Variants in CPSF2 observed in about 807,000 individuals in gnomAD.
CPSF2 encodes cleavage and polyadenylation specific factor 2.
CPSF2 carries 51 observed loss-of-function variants against 84.2 expected under a neutral mutation model. That is an observed-to-expected ratio of 0.61 (90% CI 0.48 to 0.77). The LOEUF is 0.77. CPSF2 is among the 30% of genes least tolerant of loss of function. CPSF2 has a pLI of 0.00. For synonymous variants in CPSF2, 286 were observed against 311.9 expected, an observed-to-expected ratio of 0.92 and a Z score of 0.87; for missense variants, 641 against 929.4, an observed-to-expected ratio of 0.69 and a Z score of 4.03.
chr14:92,140,042 C>T (rs7150849), intron 7 of CPSF2, among the ~76,000 whole-genome samples: 29,137 of 144,720 alleles, frequency 0.2, 3,113 homozygotes, highest in East Asian at 0.29. Context: ...CAACCTCTGC[C>T]TCCCGGGTTC....
chr14:92,147,566 C>T (rs1170648026), intron 9 of CPSF2, among the ~76,000 whole-genome samples: 1 of 151,902 alleles, frequency 6.6e-6, no homozygotes, highest in East Asian at 1.9e-4. Flanking sequence ...GAGGTAAATA[C>T]TTTGTTAAAG....
chr14:92,134,370 CAGTAGTA>C lies in CPSF2; in HGVS notation c.415+20_415+26del. The C allele has an allele frequency of 6.5e-7, 1 of 1,535,708 alleles. No individual in the cohort carries two copies. Among genetic ancestry groups the C allele is most frequent in the Non-Finnish European group, 9.0e-7 (1 of 1,113,416 alleles). Reference sequence around the variant, plus strand: ...GAATTTGAAAGGTAAAAAGAATTTCCAGTAGTAAGTATTTAGATGAATGGGGTTTAAC... The same window carrying C: ...GAATTTGAAAGGTAAAAAGAATTTCCAGTATTTAGATGAATGGGGTTTAAC... On this transcript the variant is annotated intron_variant, in intron 5 of 15. Coordinates refer to ENST00000298875, the MANE Select transcript of CPSF2 (RefSeq NM_017437.3).
chr14:92,156,236 C>T (rs995094986), intron 11 of CPSF2, among the ~76,000 whole-genome samples: 28 of 152,072 alleles, frequency 1.8e-4, no homozygotes, highest in Middle Eastern at 3.4e-3. Flanking sequence ...TGCAGTGAGC[C>T]GAGATGGCGC....
Position 92,157,034 on chromosome 14 carries a change from T to C in CPSF2, c.1595+403T>C, listed in dbSNP as rs1011429271. On this transcript the variant is annotated intron_variant, in intron 12 of 15. Transcript: ENST00000298875. The surrounding 1 kb of genome is among the most constrained non-coding windows in gnomAD (Gnocchi z 4.0). ...TAAACATCTCTAAGACCCTAATGTC[T>C]GGAAAATACTGTTGTGATCTGAAGT... 1.2e-4 allele frequency among the ~76,000 whole-genome samples: 19 copies of C among 152,344 alleles called. No individual in the cohort carries two copies. Among genetic ancestry groups the C allele is most frequent in the African/African-American group, 4.6e-4 (19 of 41,588 alleles).
intron 9 of CPSF2, among the ~76,000 whole-genome samples, chr14:92,152,160 G>T (rs187711936): frequency 1.3e-5 from 2 of 151,200 alleles, no homozygotes; most frequent in Middle Eastern, 6.8e-3. Flanking sequence ...ATGTAGTTTC[G>T]CTCTTGTTGC....
In CPSF2 at chr14:92,170,812, A is replaced by T. The variant is rs1349877381; in HGVS notation, c.*9068A>T. The T allele has an allele frequency of 6.6e-6, 1 of 152,186 alleles. No individual in the cohort carries two copies. Among genetic ancestry groups the T allele is most frequent in the Non-Finnish European group, 1.5e-5 (1 of 68,026 alleles). 9.4% of individuals were successfully genotyped at this position (152,186 alleles called of 1,614,324 possible). A position where few individuals can be genotyped will look rare whatever the true frequency, so the allele number is the denominator to read the frequency against. Reference sequence around the variant, plus strand: ...TCTGCATTGTATCAGGAGGCACATCATGTCAATTTTTTCCATTACTGGTGA... The same window carrying T: ...TCTGCATTGTATCAGGAGGCACATCTTGTCAATTTTTTCCATTACTGGTGA... On this transcript the variant is annotated 3_prime_UTR_variant, in exon 16 of 16. Coordinates refer to ENST00000298875, the MANE Select transcript of CPSF2 (RefSeq NM_017437.3).
intron 3 of CPSF2, among the ~76,000 whole-genome samples, chr14:92,131,669 A>C (rs756001464): frequency 1.3e-5 from 2 of 151,790 alleles, no homozygotes; most frequent in African/African-American, 2.4e-5. Flanking sequence ...TGAAACTCCA[A>C]CTCTACTAAA....
intron 9 of CPSF2, among the ~76,000 whole-genome samples, chr14:92,147,049 C>T (rs2069153234): frequency 6.6e-6 from 1 of 152,150 alleles, no homozygotes; most frequent in Non-Finnish European, 1.5e-5. Context: ...CACTCATCAC[C>T]ATCTGATGTA....
intron 9 of CPSF2, among the ~76,000 whole-genome samples, chr14:92,151,289 G>C (rs897538156): frequency 5.1e-4 from 77 of 152,016 alleles, no homozygotes; most frequent in African/African-American, 1.8e-3. Context: ...TATTCAGGAG[G>C]CTGGGAGGTA....
chr14:92,123,986 T>G (rs1040112134), intron 1 of CPSF2, among the ~76,000 whole-genome samples: 1 of 151,960 alleles, frequency 6.6e-6, no homozygotes, highest in Non-Finnish European at 1.5e-5. Flanking sequence ...TATAAAGGAG[T>G]AAATATGTGA....
chr14:92,150,469 C>T (rs1180585164), intron 9 of CPSF2, among the ~76,000 whole-genome samples: 1 of 151,676 alleles, frequency 6.6e-6, no homozygotes, highest in Non-Finnish European at 1.5e-5. Flanking sequence ...TCTCTGTTGC[C>T]CAGGTTGGAG....
intron 1 of CPSF2, among the ~76,000 whole-genome samples, chr14:92,123,328 T>C (rs1224883133): frequency 6.6e-6 from 1 of 151,960 alleles, no homozygotes; most frequent in Non-Finnish European, 1.5e-5. Flanking sequence ...GGGTTTCACC[T>C]TGTTGGCCAG....
In CPSF2 at chr14:92,123,866, A is replaced by G. The variant is rs182376811; in HGVS notation, c.-94+1738A>G. Among the ~76,000 whole-genome samples the G allele has an allele frequency of 8.9e-4, 135 of 152,344 alleles. No individual in the cohort carries two copies. In the Middle Eastern group the frequency reaches 0.014, roughly 15 times the overall value. On this transcript the variant is annotated intron_variant, in intron 1 of 15. Coordinates refer to ENST00000298875, the MANE Select transcript of CPSF2 (RefSeq NM_017437.3). ...CCACTGAAGTTGGTATTGGATATACAAAGATGATCACTTTTACTCCTCTAT... is the reference window on the plus strand; with the variant it reads ...CCACTGAAGTTGGTATTGGATATACGAAGATGATCACTTTTACTCCTCTAT...
chr14:92,142,461 A>G, intron 8 of CPSF2, 110 bp downstream of exon 8: 2 of 797,782 alleles, frequency 2.5e-6, no homozygotes, highest in Non-Finnish European at 4.0e-6. Context: ...AGAGATTGTT[A>G]ATAAGATGAT....
At chr14:92,148,739 G>A (rs1305810916) in intron 9 of CPSF2, among the ~76,000 whole-genome samples, 1 of 144,652 alleles carries the variant, frequency 6.9e-6, no homozygotes, top group African/African-American at 2.6e-5. Context: ...GGAGTTTAAG[G>A]CAAGCCTGGG....
rs1284633094 is a variant in CPSF2 at position 92,165,809 on chromosome 14, C to T, written c.*4065C>T. The T allele has an allele frequency of 7.0e-6, 1 of 143,690 alleles. No individual in the cohort carries two copies. Among genetic ancestry groups the T allele is most frequent in the Admixed American group, 7.0e-5 (1 of 14,360 alleles). The allele number at this position is 143,690 out of a possible 1,614,324, so 8.9% of individuals were successfully genotyped here. On this transcript the variant is annotated 3_prime_UTR_variant, in exon 16 of 16. Coordinates refer to ENST00000298875, the MANE Select transcript of CPSF2 (RefSeq NM_017437.3). ...CAAAAGTTTTTAATTTTGATAAAGT[C>T]CAGTTTGTTTTTTTCCCTTCAGTTC...
intron 1 of CPSF2, 21 bp downstream of exon 1, chr14:92,122,149 G>A (rs1347505732): frequency 5.6e-6 from 2 of 357,730 alleles, no homozygotes; most frequent in East Asian, 7.0e-5. Flanking sequence ...GCGGGAGAAA[G>A]GAGCGAGCCT....
Position 92,157,985 on chromosome 14 carries a change from G to T in CPSF2, c.1821+101G>T. ...TACCGAGATGTGTGAGACAGACATGGATGGTCTCCTGCCCTAGCAGACCTC... is the reference window on the plus strand; with the variant it reads ...TACCGAGATGTGTGAGACAGACATGTATGGTCTCCTGCCCTAGCAGACCTC... On this transcript the variant is annotated intron_variant, in intron 13 of 15. Transcript: ENST00000298875. This position sits in a 1 kb window ranked among gnomAD's most constrained non-coding sequence, Gnocchi z 4.0. The T allele has an allele frequency of 1.3e-6, 1 of 797,142 alleles. No homozygotes were observed. Among genetic ancestry groups the T allele is most frequent in the African/African-American group, 1.7e-5 (1 of 59,262 alleles). 49.4% of individuals were successfully genotyped at this position (797,142 alleles called of 1,614,324 possible).
intron 10 of CPSF2, 55 bp downstream of exon 10, chr14:92,154,513 G>A: frequency 8.4e-7 from 1 of 1,191,692 alleles, no homozygotes; most frequent in Non-Finnish European, 1.2e-6. Context: ...AGAAGAATGT[G>A]TCCTTGACTT....
Sources: gnomAD v4.1 joint callset for allele counts (sites outside exome capture counted in the v4.1 genomes callset) on GRCh38, gnomAD v4.1.1 for gene constraint, Gnocchi (gnomAD v3.1) non-coding constraint, MANE v1.5 for transcripts, NCBI Gene and HGNC (gene_info 2026-07-23, HGNC 2026-07-21) for gene names.